Variants in CMKLR2 observed in about 807,000 individuals in gnomAD.
CMKLR2 encodes chemerin chemokine-like receptor 2, also known as chemerin-like receptor 2.
In CMKLR2, 18 loss-of-function variants were observed where a neutral mutation model predicts 23.0. The ratio of observed to expected loss-of-function variants is 0.78; its 90% CI spans 0.54 to 1.16. The LOEUF is 1.16. Among genes scored for constraint, CMKLR2 ranks in the 50% most tolerant of loss-of-function variants. CMKLR2 has a pLI of 0.00. For missense variants in CMKLR2, 401 were observed against 412.7 expected, an observed-to-expected ratio of 0.97 and a Z score of 0.25; for synonymous variants, 158 against 158.9, an observed-to-expected ratio of 0.99 and a Z score of 0.05.
intron 1 of CMKLR2, among the ~76,000 whole-genome samples, chr2:206,178,169 G>A (rs1688291871): frequency 6.6e-6 from 1 of 152,102 alleles, no homozygotes; most frequent in Non-Finnish European, 1.5e-5. Flanking sequence ...GGAGGCCAAG[G>A]CAAGAGGATT....
At chr2:206,181,066 T>C (rs577489249) in intron 1 of CMKLR2, among the ~76,000 whole-genome samples, 48 of 151,376 alleles carry the variant, frequency 3.2e-4, no homozygotes, top group African/African-American at 1.1e-3. Context: ...GGACTTATTA[T>C]TATTATTGAG....
chr2:206,191,760 C>G (rs115999884), intron 1 of CMKLR2, among the ~76,000 whole-genome samples: 2 of 150,840 alleles, frequency 1.3e-5, no homozygotes, highest in Non-Finnish European at 1.5e-5. Context: ...CTTGACCTCC[C>G]AGGGCTCAAG....
At chr2:206,197,952 A>T (rs568020228) in intron 1 of CMKLR2, among the ~76,000 whole-genome samples, 3 of 152,116 alleles carry the variant, frequency 2.0e-5, no homozygotes, top group Non-Finnish European at 4.4e-5. Flanking sequence ...ATCTTCGAAC[A>T]CCTGGACAGC....
At chr2:206,217,491 A>G (rs189808855), upstream of CMKLR2, 2 of 152,326 alleles carry the variant, frequency 1.3e-5, no homozygotes, top group Admixed American at 6.5e-5. Flanking sequence ...CCTTGTCTAG[A>G]TTCTTGCTTC....
In CMKLR2 at chr2:206,199,276, C is replaced by T. The variant is rs1005130988; in HGVS notation, c.-29+14031G>A. Among the ~76,000 whole-genome samples, 8 of 152,256 alleles carry T rather than the reference C, an allele frequency of 5.3e-5. No individual in the cohort carries two copies. The Middle Eastern group carries it at 0.014, about 259-fold the overall frequency. On this transcript the variant is annotated intron_variant, in intron 1 of 1. Transcript: ENST00000621141. ...AGCTGGGCGTGGTGGCACATGCCTACTATAATCCCAGCTACTCGGAGGCTG... is the reference window on the plus strand; with the variant it reads ...AGCTGGGCGTGGTGGCACATGCCTATTATAATCCCAGCTACTCGGAGGCTG...
At chr2:206,195,457 T>C (rs1043719962) in intron 1 of CMKLR2, among the ~76,000 whole-genome samples, 8 of 152,104 alleles carry the variant, frequency 5.3e-5, no homozygotes, top group African/African-American at 1.7e-4. Context: ...ATGCATTGCA[T>C]TGGGTGGGCA....
At chr2:206,183,696 T>C (rs1319885815) in intron 1 of CMKLR2, among the ~76,000 whole-genome samples, 6 of 152,176 alleles carry the variant, frequency 3.9e-5, no homozygotes, top group Non-Finnish European at 8.8e-5. Context: ...CAGATGTTTT[T>C]GTTTGATGAT....
At chr2:206,201,049 T>C (rs1168426613) in intron 1 of CMKLR2, among the ~76,000 whole-genome samples, 1 of 152,078 alleles carries the variant, frequency 6.6e-6, no homozygotes, top group Non-Finnish European at 1.5e-5. Context: ...ACTCCTGGAC[T>C]CAAGGGATCT....
At chr2:206,197,749 G>A (rs1688965749) in intron 1 of CMKLR2, among the ~76,000 whole-genome samples, 1 of 151,906 alleles carries the variant, frequency 6.6e-6, no homozygotes, top group Non-Finnish European at 1.5e-5. Flanking sequence ...GGCTGGTCTA[G>A]AACTCTTGAG....
chr2:206,216,174 C>T (rs1345658747), upstream of CMKLR2, among the ~76,000 whole-genome samples: 3 of 152,112 alleles, frequency 2.0e-5, no homozygotes, highest in Non-Finnish European at 4.4e-5. Flanking sequence ...GAGACAGGAG[C>T]TGGGTGCGGT....
At chr2:206,181,883 G>A (rs1262184132) in intron 1 of CMKLR2, among the ~76,000 whole-genome samples, 4 of 149,214 alleles carry the variant, frequency 2.7e-5, no homozygotes, top group Non-Finnish European at 5.9e-5. Context: ...ACTGGGAGGT[G>A]GAGGTTTTAG....
intron 1 of CMKLR2, among the ~76,000 whole-genome samples, chr2:206,200,146 G>A (rs939777993): frequency 4.0e-5 from 6 of 151,888 alleles, no homozygotes; most frequent in Non-Finnish European, 5.9e-5. Flanking sequence ...TGGGTCGGCC[G>A]GACGCAGTGG....
At chr2:206,182,195 T>G (rs1336050375) in intron 1 of CMKLR2, among the ~76,000 whole-genome samples, 1 of 152,076 alleles carries the variant, frequency 6.6e-6, no homozygotes, top group Non-Finnish European at 1.5e-5. Flanking sequence ...AACTGTACTA[T>G]TATTGGTCTC....
intron 1 of CMKLR2, among the ~76,000 whole-genome samples, chr2:206,204,634 A>G (rs561963194): frequency 6.6e-6 from 1 of 151,838 alleles, no homozygotes; most frequent in East Asian, 2.0e-4. Context: ...TCTCGGCTCA[A>G]TGCAACCTCA....
At chr2:206,208,852 G>T (rs1386511393) in intron 1 of CMKLR2, among the ~76,000 whole-genome samples, 1 of 151,930 alleles carries the variant, frequency 6.6e-6, no homozygotes, top group Non-Finnish European at 1.5e-5. Flanking sequence ...TAAATTTTTG[G>T]TAGAAACAAG....
chr2:206,176,436 G>A lies in CMKLR2; in HGVS notation c.812C>T (p.Thr271Ile), dbSNP rs1362421203. Residue 271 changes from threonine to isoleucine, a missense_variant, in exon 2 of 2, where the codon ACC becomes ATC. Thr to Ile is a moderately conservative substitution (Grantham distance 89, BLOSUM62 -1). Transcript: ENST00000621141. The stretch of plus-strand genomic sequence containing the variant: ...GTGGGAATAGCTATTGTGGTGAATG[G>A]TGAGCTCCCAAATGCTAAACAGGTG... The part of the protein sequence containing the change: ...PYHLFSIWEL[T>I]IHHNSYSHHV... 1 of 1,614,172 alleles carries A rather than the reference G, an allele frequency of 6.2e-7. No homozygotes were observed. Among genetic ancestry groups the A allele is most frequent in the East Asian group, 2.2e-5 (1 of 44,882 alleles).
At chr2:206,194,061 G>A (rs932399494) in intron 1 of CMKLR2, among the ~76,000 whole-genome samples, 1 of 152,158 alleles carries the variant, frequency 6.6e-6, no homozygotes, top group Non-Finnish European at 1.5e-5. Flanking sequence ...TCTCCTAAAG[G>A]GGAGGGAACA....
chr2:206,203,581 A>C (rs1689193704), intron 1 of CMKLR2: 1 of 152,274 alleles, frequency 6.6e-6, no homozygotes. Context: ...CCCAGAGGGC[A>C]TGGAAGCTCC....
At chr2:206,215,051 A>G (rs1429081741), upstream of CMKLR2, among the ~76,000 whole-genome samples, 1 of 152,094 alleles carries the variant, frequency 6.6e-6, no homozygotes, top group East Asian at 1.9e-4. Context: ...GCTGTTAAAG[A>G]CCAAGTCTAG....
Sources: allele counts gnomAD v4.1 joint callset (sites outside exome capture counted in the v4.1 genomes callset), GRCh38; gene constraint gnomAD v4.1.1; transcripts MANE v1.5; gene names NCBI Gene and HGNC (gene_info 2026-07-23, HGNC 2026-07-21).